The following SPIRE1 variants were observed in gnomAD, a reference collection of about 807,000 sequenced individuals.
SPIRE1 encodes the protein spire type actin nucleation factor 1, also known as protein spire homolog 1.
In SPIRE1, 40 loss-of-function variants were observed where a neutral mutation model predicts 94.1. The ratio of observed to expected loss-of-function variants is 0.43; its 90% CI spans 0.33 to 0.55. The LOEUF (loss-of-function observed/expected upper bound fraction) is 0.55, where lower values mean the gene tolerates loss of function less well. Among genes scored for constraint, SPIRE1 ranks in the 20% least tolerant of loss-of-function variants. The pLI is 0.06. For synonymous variants in SPIRE1, 376 were observed against 371.7 expected, an observed-to-expected ratio of 1.01 and a Z score of -0.13; for missense variants, 838 against 975.2, an observed-to-expected ratio of 0.86 and a Z score of 1.87.
chr18:12,539,871 G>A (rs1420046051), intron 3 of SPIRE1, among the ~76,000 whole-genome samples: 4 of 150,372 alleles, frequency 2.7e-5, no homozygotes, highest in African/African-American at 9.8e-5. Flanking sequence ...AGGCTGCAGT[G>A]AGCCGAGATC....
intron 2 of SPIRE1, among the ~76,000 whole-genome samples, chr18:12,592,833 C>T (rs796835144): frequency 2.0e-4 from 31 of 152,338 alleles, no homozygotes; most frequent in African/African-American, 7.5e-4. Flanking sequence ...AGATAATTAA[C>T]TTCTATCTCC....
At chr18:12,560,621 C>T (rs1377009451) in intron 2 of SPIRE1, among the ~76,000 whole-genome samples, 3 of 152,112 alleles carry the variant, frequency 2.0e-5, no homozygotes, top group Admixed American at 6.5e-5. Context: ...CATGCCAAGG[C>T]GGGCGGATCA....
intron 2 of SPIRE1, among the ~76,000 whole-genome samples, chr18:12,558,417 C>G (rs8088431): frequency 8.5e-5 from 13 of 152,124 alleles, no homozygotes; most frequent in South Asian, 4.1e-4. Context: ...GAGTGAGCAC[C>G]GGCAAGATTT....
chr18:12,621,686 G>C (rs76543665), intron 2 of SPIRE1, among the ~76,000 whole-genome samples: 1,719 of 152,282 alleles, frequency 0.011, 73 homozygotes, highest in Admixed American at 0.078. Context: ...AAGTAGATTA[G>C]TGATTGCTGG....
intron 4 of SPIRE1, among the ~76,000 whole-genome samples, chr18:12,530,883 G>C (rs1216392176): frequency 1.3e-5 from 2 of 152,128 alleles, no homozygotes; most frequent in African/African-American, 4.8e-5. Flanking sequence ...CTATGAAACA[G>C]TGTATTACTG....
intron 12 of SPIRE1, among the ~76,000 whole-genome samples, chr18:12,461,571 GTACATACA>G (rs147292436): frequency 8.6e-4 from 53 of 61,516 alleles, no homozygotes; most frequent in Middle Eastern, 0.013. Flanking sequence ...GTATATGTAT[GTACATACA>G]TATGTATATA....
intron 2 of SPIRE1, among the ~76,000 whole-genome samples, chr18:12,596,102 G>A (rs2036664365): frequency 6.6e-6 from 1 of 152,198 alleles, no homozygotes; most frequent in African/African-American, 2.4e-5. Flanking sequence ...AGCACTCTAG[G>A]TTGTCAAGGG....
chr18:12,461,821 CAG>C (rs896309688), intron 12 of SPIRE1, among the ~76,000 whole-genome samples: 17 of 152,084 alleles, frequency 1.1e-4, no homozygotes, highest in South Asian at 2.1e-4. Flanking sequence ...TTTGTACAGA[CAG>C]GGGTTTCTTA....
Position 12,491,850 on chromosome 18 carries a change from G to C in SPIRE1, c.1189+1222C>G, listed in dbSNP as rs539359667. Reference sequence around the variant, plus strand: ...CTGCGACAGATGACAGCCTCGGCTGGGATAGTGGCTGCTGGGCTGAGAAGA... The same window carrying C: ...CTGCGACAGATGACAGCCTCGGCTGCGATAGTGGCTGCTGGGCTGAGAAGA... On this transcript the variant is annotated intron_variant, in intron 8 of 16. Transcript: ENST00000409402. Among the ~76,000 whole-genome samples, 5 of 152,280 alleles carry C rather than the reference G, an allele frequency of 3.3e-5. No individual in the cohort carries two copies. The South Asian group carries it at 1.0e-3, about 32-fold the overall frequency.
chr18:12,498,175 A>G (rs1288004580), intron 6 of SPIRE1, among the ~76,000 whole-genome samples: 2 of 152,204 alleles, frequency 1.3e-5, no homozygotes, highest in Admixed American at 6.5e-5. Flanking sequence ...AGTTTGCTGG[A>G]GCACTTCAGA....
At chr18:12,543,109 T>A (rs1184367687) in intron 3 of SPIRE1, among the ~76,000 whole-genome samples, 1 of 152,222 alleles carries the variant, frequency 6.6e-6, no homozygotes, top group Non-Finnish European at 1.5e-5. Context: ...ATTACAGGCG[T>A]GAGCCACCAT....
chr18:12,650,479 G>C (rs1437623767), intron 1 of SPIRE1, among the ~76,000 whole-genome samples: 2 of 152,008 alleles, frequency 1.3e-5, no homozygotes, highest in Non-Finnish European at 2.9e-5. Context: ...GGGAGGCCGA[G>C]GTGGGTGGAT....
At chr18:12,601,557 C>T (rs2036835622) in intron 2 of SPIRE1, among the ~76,000 whole-genome samples, 3 of 152,070 alleles carry the variant, frequency 2.0e-5, no homozygotes, top group African/African-American at 7.2e-5. Context: ...CAACCATCAC[C>T]ACCACCACAT....
intron 16 of SPIRE1, chr18:12,450,347 G>A (rs534556872): frequency 3.0e-5 from 9 of 302,260 alleles, no homozygotes; most frequent in Admixed American, 1.9e-4. Context: ...TGACAAAAGC[G>A]AAACTCTGTC....
chr18:12,491,791 T>C (rs1423022967), intron 8 of SPIRE1, among the ~76,000 whole-genome samples: 4 of 152,130 alleles, frequency 2.6e-5, no homozygotes, highest in Non-Finnish European at 4.4e-5. Context: ...GGTGGAAGAA[T>C]TCAAGACTGG....
At chr18:12,643,742 T>C (rs1206227375) in intron 1 of SPIRE1, among the ~76,000 whole-genome samples, 4 of 152,196 alleles carry the variant, frequency 2.6e-5, no homozygotes, top group Non-Finnish European at 1.5e-5. Context: ...ACCTTTACTA[T>C]AAACATTTTT....
chr18:12,473,811 A>C (rs139764725), intron 10 of SPIRE1, among the ~76,000 whole-genome samples: 2 of 152,356 alleles, frequency 1.3e-5, no homozygotes, highest in African/African-American at 4.8e-5. Flanking sequence ...ATTTGGACCC[A>C]CATTTAAGTT....
chr18:12,627,326 C>T (rs2037659625), intron 2 of SPIRE1, among the ~76,000 whole-genome samples: 1 of 152,022 alleles, frequency 6.6e-6, no homozygotes, highest in Non-Finnish European at 1.5e-5. Flanking sequence ...GTTTTCCGTC[C>T]TTGCAATAGT....
chr18:12,545,345 C>T (rs2035132037), intron 3 of SPIRE1, among the ~76,000 whole-genome samples: 1 of 152,036 alleles, frequency 6.6e-6, no homozygotes, highest in Admixed American at 6.5e-5. Context: ...AGAATAATAA[C>T]TTGTATAGTT....
Sources: allele counts gnomAD v4.1 joint callset (sites outside exome capture counted in the v4.1 genomes callset), GRCh38; gene constraint gnomAD v4.1.1; transcripts MANE v1.5; gene names NCBI Gene and HGNC (gene_info 2026-07-23, HGNC 2026-07-21).